Variants in OPCML observed in about 807,000 individuals in gnomAD.
The protein encoded by OPCML is opioid binding protein/cell adhesion molecule like, also known as opioid-binding protein/cell adhesion molecule.
OPCML carries 13 observed loss-of-function variants against 37.8 expected under a neutral mutation model. The observed-to-expected ratio is 0.34, with a 90% CI of 0.22 to 0.55. The LOEUF (loss-of-function observed/expected upper bound fraction) is 0.55. Ranked by LOEUF, OPCML falls within the 20% of genes least tolerant of loss-of-function variation. The probability of loss-of-function intolerance (pLI) is 0.91; values close to 1 mark genes in which losing one functional copy is unlikely to be tolerated. For synonymous variants in OPCML, 176 were observed against 168.8 expected (o/e 1.04, Z -0.33); for missense variants, 341 against 435.6 (o/e 0.78, Z 1.93).
intron 1 of OPCML, among the ~76,000 whole-genome samples, chr11:133,207,163 G>A (rs866619222): frequency 2.0e-5 from 3 of 151,612 alleles, no homozygotes; most frequent in African/African-American, 7.3e-5. Flanking sequence ...AACCAGGTGT[G>A]GTGGCGGGCA....
chr11:132,993,986 G>A (rs1448487693), intron 1 of OPCML, among the ~76,000 whole-genome samples: 15 of 152,172 alleles, frequency 9.9e-5, no homozygotes, highest in Admixed American at 8.5e-4. Context: ...ATTCTTCCCC[G>A]CATCTCTCCA....
intron 1 of OPCML, among the ~76,000 whole-genome samples, chr11:133,279,774 C>G (rs959992210): frequency 1.3e-5 from 2 of 152,050 alleles, no homozygotes; most frequent in East Asian, 3.9e-4. Context: ...ATTTCCCTTT[C>G]TTAAGCAGAG....
At chr11:133,217,179 T>C (rs535483362) in intron 1 of OPCML, among the ~76,000 whole-genome samples, 6 of 152,170 alleles carry the variant, frequency 3.9e-5, no homozygotes, top group Non-Finnish European at 8.8e-5. Flanking sequence ...AGACCCCCCA[T>C]CTCTCTTTTT....
chr11:133,159,150 C>T (rs1014878654), intron 1 of OPCML, among the ~76,000 whole-genome samples: 1 of 152,182 alleles, frequency 6.6e-6, no homozygotes, highest in African/African-American at 2.4e-5. Flanking sequence ...TGATAAGATG[C>T]GGGGTTTTTA....
At chr11:132,674,714 A>G (rs1942625709) in intron 2 of OPCML, among the ~76,000 whole-genome samples, 1 of 152,310 alleles carries the variant, frequency 6.6e-6, no homozygotes, top group Non-Finnish European at 1.5e-5. Flanking sequence ...GTGATTCAGG[A>G]AGCTTATGAA....
chr11:133,121,070 G>T lies in OPCML; in HGVS notation c.62-178060C>A, dbSNP rs114817398. On this transcript the variant is annotated intron_variant, in intron 1 of 7. Transcript: ENST00000524381. ...CCCAAGTAGCTGGGACTACAGGTGC[G>T]TGTCACCATGTCTGGCTAATTTTTA... Among the ~76,000 whole-genome samples, 7 of 152,158 alleles carry T rather than the reference G, an allele frequency of 4.6e-5. No homozygotes were observed. In the East Asian group the frequency reaches 1.4e-3, roughly 29 times the overall value.
intron 2 of OPCML, among the ~76,000 whole-genome samples, chr11:132,865,916 C>G (rs1356102164): frequency 6.6e-6 from 1 of 152,130 alleles, no homozygotes; most frequent in Non-Finnish European, 1.5e-5. Flanking sequence ...AGAGGCAATT[C>G]CACGATCTAA....
intron 3 of OPCML, among the ~76,000 whole-genome samples, chr11:132,539,316 C>T (rs571295825): frequency 6.6e-6 from 1 of 152,214 alleles, no homozygotes; most frequent in South Asian, 2.1e-4. Flanking sequence ...GATGGATCAG[C>T]CTGTGCAAAG....
intron 1 of OPCML, among the ~76,000 whole-genome samples, chr11:133,094,224 AT>A (rs1948962699): frequency 6.6e-6 from 1 of 152,224 alleles, no homozygotes; most frequent in Non-Finnish European, 1.5e-5. Flanking sequence ...AAATAAAAAA[AT>A]GGTATATGTT....
Position 133,310,415 on chromosome 11 carries a change from G to C in OPCML, c.61+221849C>G, listed in dbSNP as rs141566799. Reference sequence around the variant, plus strand: ...TTGAATCTCAGATTTTATTTAAAAGGCATTTCCCTTAGTTTAAAAATCTAG... The same window carrying C: ...TTGAATCTCAGATTTTATTTAAAAGCCATTTCCCTTAGTTTAAAAATCTAG... On this transcript the variant is annotated intron_variant, in intron 1 of 7. Coordinates refer to ENST00000524381, the MANE Select transcript of OPCML (RefSeq NM_001012393.5). Among the ~76,000 whole-genome samples, 500 of 152,124 alleles carry C rather than the reference G, an allele frequency of 3.3e-3. 4 individuals are homozygous for C. Among genetic ancestry groups the C allele is most frequent in the African/African-American group, 0.011 (473 of 41,488 alleles).
chr11:133,335,728 C>T (rs142244430), intron 1 of OPCML, among the ~76,000 whole-genome samples: 12 of 152,196 alleles, frequency 7.9e-5, no homozygotes, highest in South Asian at 2.1e-4. Flanking sequence ...GACAATTAAC[C>T]GGGCGAGGAT....
chr11:133,284,741 T>C (rs1426761793), intron 1 of OPCML, among the ~76,000 whole-genome samples: 4 of 152,142 alleles, frequency 2.6e-5, no homozygotes, highest in Non-Finnish European at 5.9e-5. Context: ...AAGTCTCGGT[T>C]TTTAGCATTC....
At chr11:132,929,035 C>T (rs1945096549) in intron 2 of OPCML, among the ~76,000 whole-genome samples, 1 of 149,798 alleles carries the variant, frequency 6.7e-6, no homozygotes, top group African/African-American at 2.4e-5. Context: ...TAATTTTAAG[C>T]CTTAAGGAAC....
intron 3 of OPCML, among the ~76,000 whole-genome samples, chr11:132,636,899 A>G (rs774278677): frequency 2.0e-5 from 3 of 152,160 alleles, no homozygotes; most frequent in African/African-American, 4.8e-5. Context: ...GCAATCTAAA[A>G]AAAGAGAAAA....
intron 4 of OPCML, among the ~76,000 whole-genome samples, chr11:132,496,467 T>C (rs1421815553): frequency 1.3e-5 from 2 of 152,244 alleles, no homozygotes; most frequent in Non-Finnish European, 2.9e-5. Context: ...ATAATTTGGC[T>C]TCTCCTAGAA....
intron 1 of OPCML, among the ~76,000 whole-genome samples, chr11:133,241,110 G>A (rs1292344292): frequency 6.6e-6 from 1 of 152,166 alleles, no homozygotes; most frequent in African/African-American, 2.4e-5. Flanking sequence ...CATGTCTGAC[G>A]TCATTTACTA....
intron 2 of OPCML, among the ~76,000 whole-genome samples, chr11:132,662,993 A>G (rs7122474): frequency 0.014 from 2,075 of 152,368 alleles, 38 homozygotes; most frequent in African/African-American, 0.037. Context: ...CTCCTTTGTT[A>G]CGGTAATAAT....
At chr11:132,976,504 AG>A (rs1946467085) in intron 1 of OPCML, among the ~76,000 whole-genome samples, 1 of 152,242 alleles carries the variant, frequency 6.6e-6, no homozygotes, top group South Asian at 2.1e-4. Context: ...GTGGAGGCCA[AG>A]GATGAGGTTA....
chr11:133,292,039 C>T (rs574071689), intron 1 of OPCML, among the ~76,000 whole-genome samples: 3 of 152,170 alleles, frequency 2.0e-5, no homozygotes, highest in Non-Finnish European at 4.4e-5. Context: ...ATATGGCCGT[C>T]GGTGAAGCAA....
Sources: allele counts gnomAD v4.1 joint callset (sites outside exome capture counted in the v4.1 genomes callset), GRCh38; gene constraint gnomAD v4.1.1; transcripts MANE v1.5; gene names NCBI Gene and HGNC (gene_info 2026-07-23, HGNC 2026-07-21).